The following LMOD1 variants were observed in gnomAD, a reference collection of about 807,000 sequenced individuals.
The protein encoded by LMOD1 is leiomodin 1, also known as leiomodin-1.
In LMOD1, 8 loss-of-function variants were observed where a neutral mutation model predicts 36.5. The observed-to-expected ratio is 0.22, with a 90% CI of 0.13 to 0.40. The LOEUF is 0.40. Among genes scored for constraint, LMOD1 ranks in the 10% least tolerant of loss-of-function variants. The probability of loss-of-function intolerance (pLI) is 1.00; values close to 1 mark genes in which losing one functional copy is unlikely to be tolerated. For synonymous variants in LMOD1, 284 were observed against 288.7 expected (o/e 0.98, Z 0.17); for missense variants, 630 against 751.1 (o/e 0.84, Z 1.88).
At chr1:201,945,500 G>A (rs1199555886) in intron 1 of LMOD1, among the ~76,000 whole-genome samples, 2 of 152,024 alleles carry the variant, frequency 1.3e-5, no homozygotes, top group Admixed American at 1.3e-4. Flanking sequence ...AAGCTTATCA[G>A]GTCTTTAAGC....
rs201807336 is a variant in LMOD1 at position 201,946,131 on chromosome 1, G to C, written c.210C>G (p.Asn70Lys). The change falls in exon 1 of 3, where the codon AAC becomes AAG. Residue 70 changes from asparagine to lysine, a missense_variant. Physicochemically the swap from Asn to Lys is moderately conservative, Grantham distance 94. This residue lies in a region of LMOD1 where 405 missense variants were observed against 400.6 expected (regional missense o/e 1.01). Coordinates refer to ENST00000367288, the MANE Select transcript of LMOD1 (RefSeq NM_012134.3). Reference protein sequence around the residue: ...TGVYNREAMLNFCEKETKKLM... With the variant: ...TGVYNREAMLKFCEKETKKLM... ...GTTTCTTGGTCTCCTTTTCACAGAA[G>C]TTGAGCATGGCCTCCCGGTTGTACA... is the stretch of plus-strand genomic sequence containing the variant. 2.5e-4 allele frequency: 410 copies of C among 1,613,872 alleles called. No individual in the cohort carries two copies. Among genetic ancestry groups the C allele is most frequent in the Non-Finnish European group, 3.0e-4 (356 of 1,179,898 alleles).
intron 1 of LMOD1, among the ~76,000 whole-genome samples, chr1:201,917,688 C>G (rs1334291825): frequency 6.6e-6 from 1 of 152,310 alleles, no homozygotes; most frequent in Admixed American, 6.5e-5. Flanking sequence ...CTGGCTAGTA[C>G]TTTCTGCTTC....
In LMOD1 at chr1:201,907,795, A is replaced by T. The variant is rs574907614; in HGVS notation, c.262-7044T>A. 1.3e-3 allele frequency among the ~76,000 whole-genome samples: 203 copies of T among 152,232 alleles called. 1 individual carries two copies. Among genetic ancestry groups the T allele is most frequent in the Non-Finnish European group, 2.2e-3 (150 of 68,006 alleles). On this transcript the variant is annotated intron_variant, in intron 1 of 2. Coordinates refer to ENST00000367288, the MANE Select transcript of LMOD1 (RefSeq NM_012134.3). The stretch of plus-strand genomic sequence containing the variant: ...GTCCTCTCAAGCCATTCCACCAAGA[A>T]TCCTGCTGCGGGCCTTGCTCGTTCA...
At chr1:201,939,936 C>G (rs1321805760) in intron 1 of LMOD1, among the ~76,000 whole-genome samples, 1 of 152,140 alleles carries the variant, frequency 6.6e-6, no homozygotes, top group African/African-American at 2.4e-5. Flanking sequence ...GGAGGATAGA[C>G]AGATAAGACC....
At chr1:201,943,409 G>A (rs909140623) in intron 1 of LMOD1, among the ~76,000 whole-genome samples, 1 of 152,228 alleles carries the variant, frequency 6.6e-6, no homozygotes, top group Non-Finnish European at 1.5e-5. Flanking sequence ...TTTACTCTCT[G>A]TTTTGACCAC....
At chr1:201,923,328 A>G (rs74136678) in intron 1 of LMOD1, among the ~76,000 whole-genome samples, 78 of 152,238 alleles carry the variant, frequency 5.1e-4, no homozygotes, top group African/African-American at 1.8e-3. Flanking sequence ...GAACAAAGAG[A>G]TGCATCTCCC....
At chr1:201,942,511 T>TTGGAGGGAGACCC (rs994427023) in intron 1 of LMOD1, among the ~76,000 whole-genome samples, 1 of 152,108 alleles carries the variant, frequency 6.6e-6, no homozygotes, top group African/African-American at 2.4e-5. Flanking sequence ...ATCCCATCCC[T>TTGGAGGGAGACCC]TGGAGGGAGA....
At chr1:201,915,313 G>A (rs1434502583) in intron 1 of LMOD1, among the ~76,000 whole-genome samples, 1 of 152,010 alleles carries the variant, frequency 6.6e-6, no homozygotes, top group African/African-American at 2.4e-5. Flanking sequence ...CCTCTCACCG[G>A]ATTATCTCAT....
intron 1 of LMOD1, among the ~76,000 whole-genome samples, chr1:201,945,257 T>C (rs1015149621): frequency 6.6e-6 from 1 of 152,248 alleles, no homozygotes; most frequent in East Asian, 1.9e-4. Flanking sequence ...AGAAAGCAAG[T>C]TGTGCTTAAG....
chr1:201,900,875 G>C, intron 1 of LMOD1, 124 bp from the exon 2 acceptor site: 1 of 801,962 alleles, frequency 1.2e-6, no homozygotes, highest in Non-Finnish European at 1.9e-6. Context: ...CAGTTGTGCT[G>C]TTTGGGAGAG....
intron 1 of LMOD1, among the ~76,000 whole-genome samples, chr1:201,912,718 G>T (rs1335665636): frequency 6.6e-6 from 1 of 152,084 alleles, no homozygotes; most frequent in Non-Finnish European, 1.5e-5. Context: ...AATTAGCCGG[G>T]CGTGGTGGCG....
chr1:201,917,506 C>A (rs1681631312), intron 1 of LMOD1, among the ~76,000 whole-genome samples: 1 of 152,096 alleles, frequency 6.6e-6, no homozygotes, highest in South Asian at 2.1e-4. Flanking sequence ...TGTGGCAGAT[C>A]TTCTCGGCCA....
At chr1:201,944,395 C>A (rs538648066) in intron 1 of LMOD1, among the ~76,000 whole-genome samples, 2 of 152,304 alleles carry the variant, frequency 1.3e-5, no homozygotes, top group East Asian at 3.9e-4. Flanking sequence ...CCTTTCTGAG[C>A]ACTGGAAGCT....
intron 1 of LMOD1, among the ~76,000 whole-genome samples, chr1:201,909,593 C>T (rs1681460763): frequency 6.6e-6 from 1 of 152,186 alleles, no homozygotes; most frequent in East Asian, 1.9e-4. Context: ...GGTCGCCAGT[C>T]CACCTGAGAA....
intron 1 of LMOD1, among the ~76,000 whole-genome samples, chr1:201,945,474 C>G (rs1682194762): frequency 6.6e-6 from 1 of 152,048 alleles, no homozygotes; most frequent in African/African-American, 2.4e-5. Context: ...AAACATCTTC[C>G]CTGGGAATAA....
intron 1 of LMOD1, among the ~76,000 whole-genome samples, chr1:201,939,484 G>GA (rs1682078040): frequency 6.6e-6 from 1 of 152,156 alleles, no homozygotes; most frequent in Admixed American, 6.6e-5. Context: ...TTCAAACCTG[G>GA]ACCTATCTGA....
chr1:201,924,662 AAAAAAAGAAAG>A (rs1472104183), intron 1 of LMOD1, among the ~76,000 whole-genome samples: 2 of 115,850 alleles, frequency 1.7e-5, no homozygotes, highest in South Asian at 3.0e-4. Flanking sequence ...GAAAGAAAGA[AAAAAAAGAAAG>A]AAAGAAAGAA....
chr1:201,903,464 G>C (rs1681362801), intron 1 of LMOD1, among the ~76,000 whole-genome samples: 1 of 152,212 alleles, frequency 6.6e-6, no homozygotes, highest in Non-Finnish European at 1.5e-5. Context: ...TTGACCCTCA[G>C]ATCAACTGGG....
chr1:201,938,579 C>T (rs1682060175), intron 1 of LMOD1, among the ~76,000 whole-genome samples: 1 of 152,218 alleles, frequency 6.6e-6, no homozygotes, highest in East Asian at 1.9e-4. Flanking sequence ...CTCATATAGT[C>T]TGCACTCAGA....
Sources: allele counts gnomAD v4.1 joint callset (sites outside exome capture counted in the v4.1 genomes callset), GRCh38; gene constraint gnomAD v4.1.1; regional missense constraint gnomAD v4.1.1; transcripts MANE v1.5; gene names NCBI Gene and HGNC (gene_info 2026-07-23, HGNC 2026-07-21).